LRRTM4: variants seen among roughly 807,000 people sequenced by gnomAD.
The protein encoded by LRRTM4 is leucine-rich repeat transmembrane neuronal protein 4.
Under a neutral mutation model 47.6 loss-of-function variants are expected in LRRTM4, and 25 were observed. The observed-to-expected ratio is 0.53, with a 90% CI of 0.38 to 0.73. The LOEUF is 0.73. Among genes scored for constraint, LRRTM4 ranks in the 30% least tolerant of loss-of-function variants. LRRTM4 has a pLI of 0.00. For missense variants in LRRTM4, 638 were observed against 713.4 expected (o/e 0.89, Z 1.20); for synonymous variants, 311 against 269.5 (o/e 1.15, Z -1.51).
At chr2:77,080,537 TCAC>T (rs1294562788) in intron 3 of LRRTM4, among the ~76,000 whole-genome samples, 1 of 152,174 alleles carries the variant, frequency 6.6e-6, no homozygotes. Context: ...ATTGAACTCT[TCAC>T]CACAATTCTA....
At position 77,518,366 on chromosome 2, in the gene LRRTM4, A is replaced by T. The variant is rs1679309356; in HGVS notation, c.1503T>A (p.Asn501Lys). 1 of 1,612,652 alleles carries T rather than the reference A, an allele frequency of 6.2e-7. No homozygotes were observed. Reference protein sequence around the residue: ...TNSETMDISVNGSGPCTYTIS... With the variant: ...TNSETMDISVKGSGPCTYTIS... ...TGGTATATGTGCAGGGCCCAGATCC[A>T]TTAACCGATATATCCATGGTCTCAG... Residue 501 changes from asparagine to lysine, a missense_variant, in exon 3 of 4, where the codon AAT (asparagine) becomes AAA (lysine). By Grantham distance (94) the Asn-to-Lys change is moderately conservative (BLOSUM62 0). Transcript: ENST00000409884.
chr2:76,949,670 T>C (rs978422482), intron 3 of LRRTM4, among the ~76,000 whole-genome samples: 9 of 152,000 alleles, frequency 5.9e-5, no homozygotes, highest in Admixed American at 1.3e-4. Context: ...AGTTCCTCTG[T>C]GTTTCAATTA....
chr2:77,372,909 A>T (rs897288530), intron 3 of LRRTM4, among the ~76,000 whole-genome samples: 1 of 150,746 alleles, frequency 6.6e-6, no homozygotes, highest in Admixed American at 6.7e-5. Context: ...GGTCAGACAC[A>T]ATTTACTTGC....
At chr2:77,272,175 A>G (rs1229787411) in intron 3 of LRRTM4, among the ~76,000 whole-genome samples, 1 of 152,122 alleles carries the variant, frequency 6.6e-6, no homozygotes, top group South Asian at 2.1e-4. Context: ...ATCAACATAT[A>G]TTACACAGAT....
intron 3 of LRRTM4, among the ~76,000 whole-genome samples, chr2:77,346,877 T>C (rs929580707): frequency 2.6e-5 from 4 of 152,082 alleles, no homozygotes; most frequent in African/African-American, 9.7e-5. Context: ...TGGGAATTAA[T>C]ATTTATATTT....
At chr2:77,148,842 C>T (rs1191773531) in intron 3 of LRRTM4, among the ~76,000 whole-genome samples, 2 of 152,128 alleles carry the variant, frequency 1.3e-5, no homozygotes, top group African/African-American at 4.8e-5. Flanking sequence ...AAGAACCTCG[C>T]AGCAGAAATC....
intron 3 of LRRTM4, among the ~76,000 whole-genome samples, chr2:77,199,156 G>T (rs909698899): frequency 2.5e-4 from 38 of 152,152 alleles, no homozygotes; most frequent in African/African-American, 9.2e-4. Context: ...TAAATAAATT[G>T]TTCTCTGAAC....
At chr2:77,009,495 G>C (rs1410897911) in intron 3 of LRRTM4, 2 of 151,968 alleles carry the variant, frequency 1.3e-5, no homozygotes, top group Non-Finnish European at 2.9e-5. Context: ...AGCGTCTTAT[G>C]GACACATTAA....
At chr2:77,271,505 CAA>C (rs1295361039) in intron 3 of LRRTM4, among the ~76,000 whole-genome samples, 1 of 152,138 alleles carries the variant, frequency 6.6e-6, no homozygotes. Flanking sequence ...TGCTCCCTCC[CAA>C]AAGAGGTTGA....
At chr2:77,349,364 T>C (rs1355693660) in intron 3 of LRRTM4, among the ~76,000 whole-genome samples, 1 of 151,768 alleles carries the variant, frequency 6.6e-6, no homozygotes, top group Non-Finnish European at 1.5e-5. Context: ...TGCTTATGAA[T>C]GAATTTTATA....
intron 3 of LRRTM4, among the ~76,000 whole-genome samples, chr2:77,133,809 G>A (rs1415839786): frequency 6.6e-6 from 1 of 152,184 alleles, no homozygotes; most frequent in Non-Finnish European, 1.5e-5. Context: ...TCAGGCATGA[G>A]TTTCCGCAGT....
At chr2:77,326,019 C>T (rs1291031163) in intron 3 of LRRTM4, among the ~76,000 whole-genome samples, 1 of 152,176 alleles carries the variant, frequency 6.6e-6, no homozygotes, top group Non-Finnish European at 1.5e-5. Context: ...CTCTGCTCCC[C>T]CAGAGCAGGT....
chr2:77,320,414 G>T (rs889065136), intron 3 of LRRTM4, among the ~76,000 whole-genome samples: 1 of 152,148 alleles, frequency 6.6e-6, no homozygotes, highest in Non-Finnish European at 1.5e-5. Flanking sequence ...ACTCTTCATG[G>T]ATATTACAAT....
At chr2:77,418,560 G>A (rs1674738146) in intron 3 of LRRTM4, among the ~76,000 whole-genome samples, 1 of 152,120 alleles carries the variant, frequency 6.6e-6, no homozygotes, top group East Asian at 1.9e-4. Flanking sequence ...ACTGTTTGCA[G>A]AGGAAAATAC....
At chr2:77,035,792 T>C (rs1678816343) in intron 3 of LRRTM4, among the ~76,000 whole-genome samples, 1 of 151,766 alleles carries the variant, frequency 6.6e-6, no homozygotes, top group Non-Finnish European at 1.5e-5. Context: ...GGAGAGCATG[T>C]GAGTTGATTT....
In LRRTM4 at chr2:77,426,366, T is replaced by A. The variant is rs113997810; in HGVS notation, c.1551+91952A>T. On this transcript the variant is annotated intron_variant, in intron 3 of 3. Coordinates refer to ENST00000409884, the MANE Select transcript of LRRTM4 (RefSeq NM_001134745.3). ...CTTCCCTGCAGTCCATTCTTTGCAC[T>A]CAGCCAGAGCTATAATTCCATCACA... is the stretch of plus-strand genomic sequence containing the variant. Among the ~76,000 whole-genome samples, 1,261 of 152,278 alleles carry A rather than the reference T, an allele frequency of 8.3e-3. 16 individuals carry two copies. The highest frequency in any genetic ancestry group is 0.029 in the African/African-American group (1,201 of 41,552).
chr2:77,134,309 T>C (rs1328271597), intron 3 of LRRTM4, among the ~76,000 whole-genome samples: 3 of 152,144 alleles, frequency 2.0e-5, no homozygotes, highest in Non-Finnish European at 4.4e-5. Flanking sequence ...ATTCTAAAAG[T>C]AGCCTAGAAG....
At chr2:77,478,191 G>C (rs1263069045) in intron 3 of LRRTM4, among the ~76,000 whole-genome samples, 1 of 152,078 alleles carries the variant, frequency 6.6e-6, no homozygotes, top group African/African-American at 2.4e-5. Context: ...AGATTAAGTT[G>C]ATCAGAACTT....
At chr2:76,856,485 C>G (rs777938927) in intron 3 of LRRTM4, among the ~76,000 whole-genome samples, 1 of 151,952 alleles carries the variant, frequency 6.6e-6, no homozygotes, top group Non-Finnish European at 1.5e-5. Flanking sequence ...TAAACATTAT[C>G]AATATACATA....
Sources: gnomAD v4.1 joint callset for allele counts (sites outside exome capture counted in the v4.1 genomes callset) on GRCh38, gnomAD v4.1.1 for gene constraint, MANE v1.5 for transcripts, NCBI Gene and HGNC (gene_info 2026-07-23, HGNC 2026-07-21) for gene names.